Variants in TLE1 observed in about 807,000 individuals in gnomAD.
The protein encoded by TLE1 is transducin-like enhancer protein 1.
Under a neutral mutation model 89.8 loss-of-function variants are expected in TLE1, and 21 were observed. That is an observed-to-expected ratio of 0.23 (90% CI 0.17 to 0.34). The LOEUF (loss-of-function observed/expected upper bound fraction) is 0.34. Among genes scored for constraint, TLE1 ranks in the 10% least tolerant of loss-of-function variants. The pLI, the probability that TLE1 is intolerant of heterozygous loss-of-function variation, is 1.00. For synonymous variants in TLE1, 447 were observed against 407.6 expected (o/e 1.10, Z -1.16); for missense variants, 795 against 1,031.2 (o/e 0.77, Z 3.14).
chr9:81,595,719 T>A (rs1830098805), intron 14 of TLE1, among the ~76,000 whole-genome samples: 1 of 149,518 alleles, frequency 6.7e-6, no homozygotes, highest in Non-Finnish European at 1.5e-5. Context: ...CTCGGGAGGC[T>A]GAGGCAGGAG....
intron 6 of TLE1, among the ~76,000 whole-genome samples, chr9:81,646,395 C>G (rs1436457224): frequency 6.6e-6 from 1 of 152,044 alleles, no homozygotes; most frequent in Non-Finnish European, 1.5e-5. Context: ...GTAGAGAGTA[C>G]GTCACTAAAT....
intron 11 of TLE1, among the ~76,000 whole-genome samples, chr9:81,615,479 CA>C (rs200888219): frequency 7.1e-6 from 1 of 141,106 alleles, no homozygotes; most frequent in South Asian, 2.2e-4. Flanking sequence ...GCGGGTGGAT[CA>C]AAGAGGTCAG....
intron 4 of TLE1, among the ~76,000 whole-genome samples, chr9:81,665,816 A>G (rs1436241370): frequency 6.6e-6 from 1 of 151,176 alleles, no homozygotes; most frequent in African/African-American, 2.4e-5. Context: ...CTTTTGATTT[A>G]TTTGCAAATG....
At chr9:81,633,464 C>T (rs767260624) in intron 7 of TLE1, 100 bp from the exon 8 acceptor site, 69 of 1,572,720 alleles carry the variant, frequency 4.4e-5, no homozygotes, top group Non-Finnish European at 5.4e-5. Flanking sequence ...AACACAAGCC[C>T]CAAACAGTTT....
chr9:81,639,585 TTTG>T (rs1412325663), intron 6 of TLE1, among the ~76,000 whole-genome samples: 16 of 148,466 alleles, frequency 1.1e-4, no homozygotes, highest in South Asian at 4.5e-4. Flanking sequence ...GTTTTTTTTT[TTTG>T]TTTTTTTTTT....
At chr9:81,672,576 CT>C (rs1832367554) in intron 4 of TLE1, among the ~76,000 whole-genome samples, 1 of 151,724 alleles carries the variant, frequency 6.6e-6, no homozygotes, top group Non-Finnish European at 1.5e-5. Context: ...AGCACCACAA[CT>C]ACTCTACTCA....
At chr9:81,680,135 A>G (rs1009072871) in intron 4 of TLE1, among the ~76,000 whole-genome samples, 1 of 152,178 alleles carries the variant, frequency 6.6e-6, no homozygotes, top group Non-Finnish European at 1.5e-5. Context: ...ATGCGAGGGA[A>G]CAAACAGACT....
At chr9:81,623,969 G>A (rs1312650282) in intron 8 of TLE1, among the ~76,000 whole-genome samples, 1 of 152,040 alleles carries the variant, frequency 6.6e-6, no homozygotes. Context: ...AGACAGAGGT[G>A]ATTTGCCTGA....
Position 81,610,242 on chromosome 9 carries a change from C to A in TLE1, c.1309G>T (p.Ala437Ser), listed in dbSNP as rs146461149. 12 of 1,613,836 alleles carry A rather than the reference C, an allele frequency of 7.4e-6. No individual in the cohort carries two copies. In the African/African-American group the frequency reaches 1.3e-4, roughly 18 times the overall value. The stretch of plus-strand genomic sequence containing the variant: ...TACGGTTTCCCCCCAGGGATTCCTG[C>A]CAGGTTTGGAGGAATGGTAGGTACT... ...MRVPTIPPNLAGIPGGKPAYS... is the reference protein window; with the variant it reads ...MRVPTIPPNLSGIPGGKPAYS... Residue 437 changes from alanine to serine, a missense_variant, in exon 14 of 20, where the codon GCA (alanine) becomes TCA (serine). Physicochemically the swap from Ala to Ser is moderately conservative, Grantham distance 99. Transcript: ENST00000376499.
chr9:81,687,965 C>T (rs1834564561), intron 1 of TLE1, among the ~76,000 whole-genome samples: 1 of 152,068 alleles, frequency 6.6e-6, no homozygotes, highest in Admixed American at 6.5e-5. Flanking sequence ...AGGAGAGAAA[C>T]CCCAGCCTTC....
rs1389701803 is a variant in TLE1 at position 81,610,245 on chromosome 9, G to C, written c.1306C>G (p.Leu436Val). 2.5e-6 allele frequency: 4 copies of C among 1,613,976 alleles called. No individual in the cohort carries two copies. The highest frequency in any genetic ancestry group is 2.5e-6 in the Non-Finnish European group (3 of 1,180,000). The change falls in exon 14 of 20, where the codon CTG becomes GTG. Residue 436 changes from leucine (L) to valine (V), a missense_variant. This residue lies in a region of TLE1 where 468 missense variants were observed against 509.1 expected (regional missense o/e 0.92). Coordinates refer to ENST00000376499, the MANE Select transcript of TLE1 (RefSeq NM_005077.5). ...GGTTTCCCCCCAGGGATTCCTGCCA[G>C]GTTTGGAGGAATGGTAGGTACTCTC... ...HMRVPTIPPN[L>V]AGIPGGKPAY...
Position 81,600,050 on chromosome 9 carries a change from G to A in TLE1, c.1332-6776C>T, listed in dbSNP as rs748985884. On this transcript the variant is annotated intron_variant, in intron 14 of 19. Transcript: ENST00000376499. ...CAACATTTAAGATTCTGAGTTCTAG[G>A]ACCTAACTTCCTCTATCAATTACAC... 6.9e-6 allele frequency: 5 copies of A among 721,332 alleles called. No individual in the cohort carries two copies. The South Asian group carries it at 7.5e-5, about 11-fold the overall frequency. The allele number at this position is 721,332 out of a possible 1,614,324, so 44.7% of individuals were successfully genotyped here.
In TLE1 at chr9:81,689,113, C is replaced by G. The variant is rs1834724226; in HGVS notation, c.-873G>C. The stretch of plus-strand genomic sequence containing the variant: ...GCCCTGCACGGCCGGACCGGCCGCT[C>G]CGGACCCTTCTTCCGAGCTCCTTCT... On this transcript the variant is annotated 5_prime_UTR_variant, in exon 1 of 20. Transcript: ENST00000376499. The G allele has an allele frequency of 6.6e-6, 1 of 152,530 alleles. No individual in the cohort carries two copies. The highest frequency in any genetic ancestry group is 2.4e-5 in the African/African-American group (1 of 41,590). The allele number at this position is 152,530 out of a possible 1,614,324, so 9.4% of individuals were successfully genotyped here. A position where few individuals can be genotyped will look rare whatever the true frequency, so the allele number is the denominator to read the frequency against.
At chr9:81,588,215 G>A (rs1828884209) in intron 16 of TLE1, among the ~76,000 whole-genome samples, 1 of 152,136 alleles carries the variant, frequency 6.6e-6, no homozygotes. Context: ...ATTCCTTATG[G>A]GAAGATAAAG....
At chr9:81,596,324 A>T (rs1352842561) in intron 14 of TLE1, among the ~76,000 whole-genome samples, 1 of 152,180 alleles carries the variant, frequency 6.6e-6, no homozygotes, top group Non-Finnish European at 1.5e-5. Flanking sequence ...TTAATACATC[A>T]GTCACAGGGG....
chr9:81,650,295 A>T (rs934930981), intron 6 of TLE1, among the ~76,000 whole-genome samples: 8 of 152,260 alleles, frequency 5.3e-5, no homozygotes, highest in Admixed American at 2.0e-4. Context: ...AAGGAGATTC[A>T]CAAGAGCTGG....
intron 6 of TLE1, among the ~76,000 whole-genome samples, chr9:81,639,727 G>A (rs996713292): frequency 2.0e-5 from 3 of 151,710 alleles, no homozygotes; most frequent in Non-Finnish European, 4.4e-5. Context: ...GGGATTACAG[G>A]TGAGCACCAC....
In TLE1 at chr9:81,613,457, G is replaced by A. The variant is rs144027618; in HGVS notation, c.983C>T (p.Thr328Met). 5,033 of 1,614,190 alleles carry A rather than the reference G, an allele frequency of 3.1e-3. 30 individuals carry two copies. The highest frequency in any genetic ancestry group is 2.8e-3 in the Non-Finnish European group (3,263 of 1,180,032). ...STPTPRSDMP[T>M]PGTSATPGLR... ...GCCTGGAGTGGCGCTGGTGCCCGGC[G>A]TTGGCATGTCGCTCCGAGGCGTTGG... Residue 328 changes from threonine to methionine, a missense_variant, in exon 12 of 20, where the codon ACG becomes ATG. By Grantham distance (81) the Thr-to-Met change is moderately conservative. Transcript: ENST00000376499.
intron 8 of TLE1, among the ~76,000 whole-genome samples, chr9:81,623,625 A>G (rs1423300741): frequency 7.3e-6 from 1 of 136,248 alleles, no homozygotes; most frequent in African/African-American, 2.6e-5. Context: ...CTTAAAAAAA[A>G]AAAAAAAAAA....
Sources: gnomAD v4.1 joint callset for allele counts (sites outside exome capture counted in the v4.1 genomes callset) on GRCh38, gnomAD v4.1.1 for gene constraint, gnomAD v4.1.1 regional missense constraint, MANE v1.5 for transcripts, NCBI Gene and HGNC (gene_info 2026-07-23, HGNC 2026-07-21) for gene names.